Variants in KIAA1217 observed in about 807,000 individuals in gnomAD.
KIAA1217 encodes the protein sickle tail protein homolog.
In KIAA1217, 88 loss-of-function variants were observed where a neutral mutation model predicts 163.9. The observed-to-expected ratio is 0.54, with a 90% confidence interval of 0.45 to 0.64. KIAA1217 has a LOEUF of 0.64. Among genes scored for constraint, KIAA1217 ranks in the 30% least tolerant of loss-of-function variants. The probability of loss-of-function intolerance (pLI) is 0.00; values close to 1 mark genes in which losing one functional copy is unlikely to be tolerated. For missense variants in KIAA1217, 2,372 were observed against 2,475.0 expected, an observed-to-expected ratio of 0.96 and a Z score of 0.88; for synonymous variants, 903 against 923.1, an observed-to-expected ratio of 0.98 and a Z score of 0.39.
rs544873659 is a variant in KIAA1217, at chr10:23,888,346, T to A, written c.-320-118879T>A. ...ATAGACATTGGTTCAAATTGCTTTTTCCTTCTCTCCGTTTAATCAACCTCA... is the reference window on the plus strand; with the variant it reads ...ATAGACATTGGTTCAAATTGCTTTTACCTTCTCTCCGTTTAATCAACCTCA... On this transcript the variant is annotated intron_variant, in intron 1 of 18. Transcript: ENST00000376462. 5.9e-5 allele frequency among the ~76,000 whole-genome samples: 9 copies of A among 152,072 alleles called. No homozygotes were observed. In the South Asian group the frequency reaches 1.9e-3, roughly 31 times the overall value.
chr10:23,874,265 A>G (rs1840586636), intron 1 of KIAA1217, among the ~76,000 whole-genome samples: 1 of 152,020 alleles, frequency 6.6e-6, no homozygotes, highest in Non-Finnish European at 1.5e-5. Context: ...CACCTCTTGA[A>G]TACCATATGT....
intron 2 of KIAA1217, among the ~76,000 whole-genome samples, chr10:24,031,700 TGTGTGG>T (rs60995854): frequency 0.024 from 3,583 of 152,240 alleles, 125 homozygotes; most frequent in African/African-American, 0.083. Context: ...TTTGTGTGTG[TGTGTGG>T]GTGTGTCAAT....
chr10:24,497,097 A>C (rs952054605), intron 8 of KIAA1217, among the ~76,000 whole-genome samples: 2 of 152,152 alleles, frequency 1.3e-5, no homozygotes, highest in Non-Finnish European at 2.9e-5. Context: ...AGCCTTGTAT[A>C]GTGCACAAAA....
intron 1 of KIAA1217, among the ~76,000 whole-genome samples, chr10:23,745,512 T>C (rs569649391): frequency 3.9e-5 from 6 of 152,216 alleles, no homozygotes; most frequent in Non-Finnish European, 7.3e-5. Context: ...GGCAATAGAC[T>C]TCAATACATG....
chr10:23,704,381 A>G (rs1457107244), intron 1 of KIAA1217, among the ~76,000 whole-genome samples: 3 of 151,542 alleles, frequency 2.0e-5, no homozygotes, highest in Non-Finnish European at 4.4e-5. Flanking sequence ...TCATGCAACT[A>G]CCACCACTAT....
chr10:24,458,400 G>C (rs2062023882), intron 5 of KIAA1217, among the ~76,000 whole-genome samples: 1 of 152,134 alleles, frequency 6.6e-6, no homozygotes, highest in Non-Finnish European at 1.5e-5. Flanking sequence ...CATGAACATG[G>C]CTTGGTCTAT....
At position 23,928,852 on chromosome 10, in the gene KIAA1217, G is replaced by T. The variant is rs74559339; in HGVS notation, c.-320-78373G>T. 5.1e-3 allele frequency among the ~76,000 whole-genome samples: 783 copies of T among 152,288 alleles called. 4 individuals carry two copies. The highest frequency in any genetic ancestry group is 0.015 in the Admixed American group (224 of 15,298). On this transcript the variant is annotated intron_variant, in intron 1 of 18. Transcript: ENST00000376462. The stretch of plus-strand genomic sequence containing the variant: ...ACATTGAAAATTTAAAAAGGGCAAG[G>T]TGATAGCCACTCTGTGGCCATCTTA...
intron 1 of KIAA1217, among the ~76,000 whole-genome samples, chr10:23,927,592 A>G (rs998083977): frequency 1.3e-5 from 2 of 152,186 alleles, no homozygotes; most frequent in South Asian, 2.1e-4. Flanking sequence ...TCATGAAAGT[A>G]GAATCTTAAG....
chr10:24,439,489 C>T (rs946936818), intron 5 of KIAA1217, among the ~76,000 whole-genome samples: 2 of 152,190 alleles, frequency 1.3e-5, no homozygotes, highest in Non-Finnish European at 2.9e-5. Context: ...ATATTAGTTT[C>T]CTGTTGCTGC....
intron 5 of KIAA1217, among the ~76,000 whole-genome samples, chr10:24,459,737 A>G (rs1294674215): frequency 2.6e-5 from 4 of 152,146 alleles, no homozygotes; most frequent in African/African-American, 9.7e-5. Context: ...AGCCTGGGCA[A>G]TGTAGTGAGC....
intron 1 of KIAA1217, among the ~76,000 whole-genome samples, chr10:24,210,142 C>T (rs2067885269): frequency 6.9e-6 from 1 of 145,368 alleles, no homozygotes; most frequent in African/African-American, 2.5e-5. Context: ...TGCGGGAGTG[C>T]AGTGCTGTGC....
intron 1 of KIAA1217, among the ~76,000 whole-genome samples, chr10:23,887,500 C>T (rs1344120183): frequency 1.3e-5 from 2 of 151,714 alleles, no homozygotes; most frequent in African/African-American, 2.4e-5. Flanking sequence ...CCTGAGGGCT[C>T]AATATTCACA....
intron 1 of KIAA1217, among the ~76,000 whole-genome samples, chr10:23,960,404 C>T (rs533036118): frequency 2.6e-5 from 4 of 152,186 alleles, no homozygotes; most frequent in African/African-American, 9.6e-5. Flanking sequence ...ATTACAGGCA[C>T]GTGCCACCAC....
intron 2 of KIAA1217, among the ~76,000 whole-genome samples, chr10:24,261,445 G>A (rs1042134788): frequency 6.7e-6 from 1 of 148,824 alleles, no homozygotes; most frequent in Non-Finnish European, 1.5e-5. Flanking sequence ...ACAGTGAGCC[G>A]AGATTGCACC....
intron 2 of KIAA1217, among the ~76,000 whole-genome samples, chr10:24,183,753 A>G (rs1482553809): frequency 1.3e-5 from 2 of 152,182 alleles, no homozygotes; most frequent in African/African-American, 4.8e-5. Flanking sequence ...AGACTGAATA[A>G]CTTTCCTAAA....
intron 2 of KIAA1217, among the ~76,000 whole-genome samples, chr10:24,263,451 C>T (rs572688187): frequency 2.6e-5 from 4 of 152,272 alleles, no homozygotes; most frequent in African/African-American, 9.6e-5. Flanking sequence ...GCCTGGGTTT[C>T]GTCCCCAGGA....
intron 1 of KIAA1217, among the ~76,000 whole-genome samples, chr10:24,217,058 A>AAAAG (rs2068930014): frequency 6.9e-6 from 1 of 145,608 alleles, no homozygotes; most frequent in African/African-American, 2.6e-5. Flanking sequence ...AAAAAAAAAA[A>AAAAG]GGCAAGAGTG....
intron 2 of KIAA1217, among the ~76,000 whole-genome samples, chr10:24,352,126 C>G (rs1028369208): frequency 3.3e-5 from 5 of 152,238 alleles, no homozygotes; most frequent in African/African-American, 1.2e-4. Flanking sequence ...CCTGCCTTTC[C>G]CCTCTGCCAC....
chr10:24,460,405 C>T (rs1477730709), intron 5 of KIAA1217, among the ~76,000 whole-genome samples: 4 of 152,136 alleles, frequency 2.6e-5, no homozygotes, highest in South Asian at 4.2e-4. Flanking sequence ...GTGGAGCAGG[C>T]GGCTCTTCTG....
Sources: gnomAD v4.1 joint callset for allele counts (sites outside exome capture counted in the v4.1 genomes callset) on GRCh38, gnomAD v4.1.1 for gene constraint, MANE v1.5 for transcripts, NCBI Gene and HGNC (gene_info 2026-07-23, HGNC 2026-07-21) for gene names.